RET: variants seen among roughly 807,000 people sequenced by gnomAD.
RET encodes the protein proto-oncogene tyrosine-protein kinase receptor Ret.
Under a neutral mutation model 118.3 loss-of-function variants are expected in RET, and 19 were observed. The observed-to-expected ratio is 0.16, with a 90% confidence interval of 0.11 to 0.24. RET has a LOEUF of 0.24. Ranked by LOEUF, RET falls within the 10% of genes least tolerant of loss-of-function variation. RET has a pLI of 1.00. For synonymous variants in RET, 597 were observed against 644.1 expected (o/e 0.93, Z 1.11); for missense variants, 1,219 against 1,502.1 (o/e 0.81, Z 3.12).
At chr10:43,077,830 C>G (rs1267025466) in intron 1 of RET, among the ~76,000 whole-genome samples, 2 of 152,236 alleles carry the variant, frequency 1.3e-5, no homozygotes, top group African/African-American at 4.8e-5. Context: ...CCTGGCCAGC[C>G]GAGGGATTCG....
chr10:43,109,158 G>A lies in RET; in HGVS notation c.1191G>A (p.Val397=), dbSNP rs1351206662. ...GVLLLHFNVS[V]LPVSLHLPST... Reference sequence around the variant, plus strand: ...TCTTGCTCCACTTCAACGTGTCGGTGCTGCCGGTCAGCCTGCACCTGCCCA... The same window carrying A: ...TCTTGCTCCACTTCAACGTGTCGGTACTGCCGGTCAGCCTGCACCTGCCCA... The change falls in exon 6 of 20, where the codon GTG becomes GTA. Residue 397 remains valine (V), a synonymous_variant. Coordinates refer to ENST00000355710, the MANE Select transcript of RET (RefSeq NM_020975.6). 6.2e-7 allele frequency: 1 copy of A among 1,613,810 alleles called. No individual in the cohort carries two copies. The highest frequency in any genetic ancestry group is 8.5e-7 in the Non-Finnish European group (1 of 1,180,034).
Position 43,081,984 on chromosome 10 carries a change from G to A in RET, c.73+4653G>A, listed in dbSNP as rs183665770. Among the ~76,000 whole-genome samples, 614 of 152,306 alleles carry A rather than the reference G, an allele frequency of 4.0e-3. 5 individuals carry two copies. The highest frequency in any genetic ancestry group is 0.014 in the African/African-American group (563 of 41,556). ...TCTCCCCCCTTCTCTGAGCTCTGGG[G>A]CCAGGCCTGGGCACTTGGATTGGCG... On this transcript the variant is annotated intron_variant, in intron 1 of 19. Coordinates refer to ENST00000355710, the MANE Select transcript of RET (RefSeq NM_020975.6).
chr10:43,107,820 G>A (rs1252290747), intron 5 of RET, among the ~76,000 whole-genome samples: 1 of 152,110 alleles, frequency 6.6e-6, no homozygotes, highest in East Asian at 1.9e-4. Flanking sequence ...GTATACATTG[G>A]TTTGGCCCCA....
chr10:43,080,077 A>G (rs1837147306), intron 1 of RET, among the ~76,000 whole-genome samples: 1 of 152,248 alleles, frequency 6.6e-6, no homozygotes, highest in Non-Finnish European at 1.5e-5. Flanking sequence ...TCTTCTGCAG[A>G]ATCACTTTAG....
intron 11 of RET, among the ~76,000 whole-genome samples, chr10:43,115,169 G>A (rs1020450279): frequency 3.3e-5 from 5 of 152,198 alleles, no homozygotes; most frequent in African/African-American, 1.2e-4. Context: ...GTTCCTACTA[G>A]CACTGTCCAG....
chr10:43,103,213 G>T (rs1249748968), intron 3 of RET, among the ~76,000 whole-genome samples: 1 of 152,148 alleles, frequency 6.6e-6, no homozygotes, highest in African/African-American at 2.4e-5. Flanking sequence ...GGAACATGGG[G>T]AGCTATGGAA....
At position 43,119,037 on chromosome 10, in the gene RET, G is replaced by A. The variant is rs992355143; in HGVS notation, c.2393-494G>A. ...GAGAGGGATAGGGAACCCAAACACC[G>A]GGAGTGCGCAGCAGGCACTGTGGTC... is the stretch of plus-strand genomic sequence containing the variant. On this transcript the variant is annotated intron_variant, in intron 13 of 19. Transcript: ENST00000355710. 2.6e-5 allele frequency among the ~76,000 whole-genome samples: 4 copies of A among 152,336 alleles called. 1 individual carries two copies. Among genetic ancestry groups the A allele is most frequent in the Middle Eastern group, 6.8e-3 (2 of 294 alleles).
At chr10:43,077,625 A>G (rs573454207) in intron 1 of RET, among the ~76,000 whole-genome samples, 96 of 152,116 alleles carry the variant, frequency 6.3e-4, no homozygotes, top group Middle Eastern at 3.4e-3. Flanking sequence ...GCAGGTCTCA[A>G]TCTGGCCGCG....
chr10:43,126,931 G>C, intron 19 of RET: 2 of 1,433,796 alleles, frequency 1.4e-6, no homozygotes, highest in African/African-American at 1.4e-5. Flanking sequence ...GTGAAAATAA[G>C]TGTAATTACC....
chr10:43,109,344 G>A (rs1212936446), intron 6 of RET, 114 bp downstream of exon 6: 1 of 1,081,166 alleles, frequency 9.2e-7, no homozygotes, highest in Non-Finnish European at 1.4e-6. Flanking sequence ...TAGACTGGGT[G>A]GAGTCCTGAG....
At chr10:43,127,601 C>T in intron 19 of RET, 1 of 451,050 alleles carries the variant, frequency 2.2e-6, no homozygotes, top group African/African-American at 2.1e-5. Flanking sequence ...CCTCCTGACT[C>T]ACTGACTCCT....
chr10:43,094,455 ATTG>A (rs900184993), intron 1 of RET, among the ~76,000 whole-genome samples: 5 of 152,036 alleles, frequency 3.3e-5, no homozygotes, highest in African/African-American at 9.7e-5. Context: ...TATCGTTGTT[ATTG>A]TTTTCTTTTT....
In RET at chr10:43,096,360, A is replaced by G. The variant is rs544397816; in HGVS notation, c.74-4099A>G. On this transcript the variant is annotated intron_variant, in intron 1 of 19. Coordinates refer to ENST00000355710, the MANE Select transcript of RET (RefSeq NM_020975.6). ...CACCTGCTGGCGCCTGGCTTCCACC[A>G]TCACTTTCTTAGCTGTTATCCTAAC... Among the ~76,000 whole-genome samples, 9 of 152,020 alleles carry G rather than the reference A, an allele frequency of 5.9e-5. No homozygotes were observed. In the South Asian group the frequency reaches 1.7e-3, roughly 28 times the overall value.
chr10:43,102,782 G>C, intron 3 of RET, 153 bp downstream of exon 3: 2 of 905,932 alleles, frequency 2.2e-6, no homozygotes, highest in Admixed American at 2.1e-5. Flanking sequence ...CCTGCCAGGG[G>C]CCAGGTACTG....
intron 1 of RET, among the ~76,000 whole-genome samples, chr10:43,095,911 C>T (rs764315498): frequency 1.3e-5 from 2 of 152,224 alleles, no homozygotes; most frequent in African/African-American, 4.8e-5. Flanking sequence ...GGAACCAGAA[C>T]CACGGTGGCG....
chr10:43,116,567 C>G lies in RET; in HGVS notation c.2137-17C>G, dbSNP rs1287152318. ...CTTTTCCCCCCTCTTCTCCCCCTTC[C>G]CTCATTTCCAACATAGGAGGATCCA... is the stretch of plus-strand genomic sequence containing the variant. On this transcript the variant is annotated splice_polypyrimidine_tract_variant and intron_variant, in intron 11 of 19. Transcript: ENST00000355710. 7 of 1,613,976 alleles carry G rather than the reference C, an allele frequency of 4.3e-6. No individual in the cohort carries two copies. The highest frequency in any genetic ancestry group is 1.7e-4 in the Middle Eastern group (1 of 6,060).
chr10:43,093,582 C>A (rs1257107000), intron 1 of RET, among the ~76,000 whole-genome samples: 1 of 152,184 alleles, frequency 6.6e-6, no homozygotes, highest in East Asian at 1.9e-4. Flanking sequence ...GAGCCACTGC[C>A]ACCATCTGGA....
intron 11 of RET, among the ~76,000 whole-genome samples, chr10:43,115,725 A>G (rs1014471177): frequency 6.6e-6 from 1 of 152,250 alleles, no homozygotes. Flanking sequence ...TCTTGGACCC[A>G]TGACTCAACC....
chr10:43,104,631 G>A (rs1219096102), intron 3 of RET: 1 of 500,426 alleles, frequency 2.0e-6, no homozygotes, highest in Non-Finnish European at 3.6e-6. Context: ...AAGGCCAGGT[G>A]GGCGGAGGGG....
Sources: gnomAD v4.1 joint callset for allele counts (sites outside exome capture counted in the v4.1 genomes callset) on GRCh38, gnomAD v4.1.1 for gene constraint, MANE v1.5 for transcripts, NCBI Gene and HGNC (gene_info 2026-07-23, HGNC 2026-07-21) for gene names.